RARB: variants seen among roughly 807,000 people sequenced by gnomAD.
The protein encoded by RARB is HBV-activated protein.
In RARB, 17 loss-of-function variants were observed where a neutral mutation model predicts 51.9. That is an observed-to-expected ratio of 0.33 (90% CI 0.22 to 0.49). RARB has a LOEUF of 0.49. Among genes scored for constraint, RARB ranks in the 20% least tolerant of loss-of-function variants. The pLI is 0.99. For synonymous variants in RARB, 215 were observed against 195.4 expected (o/e 1.10, Z -0.84); for missense variants, 369 against 550.8 (o/e 0.67, Z 3.30).
intron 2 of RARB, among the ~76,000 whole-genome samples, chr3:25,052,373 C>T (rs1251891078): frequency 1.3e-5 from 2 of 152,054 alleles, no homozygotes; most frequent in East Asian, 3.9e-4. Flanking sequence ...CAATTGCTAG[C>T]TTTAACAAAT....
intron 5 of RARB, among the ~76,000 whole-genome samples, chr3:25,188,127 T>C (rs201574146): frequency 6.6e-6 from 1 of 152,130 alleles, no homozygotes; most frequent in East Asian, 1.9e-4. Flanking sequence ...TGTATATGTT[T>C]TGGGGTATCC....
chr3:25,243,696 C>G (rs768096290), intron 5 of RARB, among the ~76,000 whole-genome samples: 1 of 152,060 alleles, frequency 6.6e-6, no homozygotes, highest in African/African-American at 2.4e-5. Context: ...TAATGTGCTT[C>G]TAGAATCGGT....
intron 5 of RARB, among the ~76,000 whole-genome samples, chr3:25,309,302 T>G (rs966919556): frequency 2.1e-5 from 3 of 139,538 alleles, no homozygotes; most frequent in African/African-American, 7.5e-5. Context: ...GCCTGGCTAA[T>G]TTTTTGTTTT....
chr3:25,202,662 A>G (rs1332664031), intron 5 of RARB, among the ~76,000 whole-genome samples: 1 of 152,196 alleles, frequency 6.6e-6, no homozygotes, highest in Non-Finnish European at 1.5e-5. Flanking sequence ...TTCAAAGAAC[A>G]TCTTTATTTC....
chr3:25,426,254 T>A (rs77284902), upstream of RARB, among the ~76,000 whole-genome samples: 2,277 of 152,338 alleles, frequency 0.015, 31 homozygotes, highest in African/African-American at 0.032. Flanking sequence ...AAAGGGTTTC[T>A]TACAATAAGT....
At chr3:25,122,009 A>C (rs1260583371) in intron 3 of RARB, among the ~76,000 whole-genome samples, 2 of 152,154 alleles carry the variant, frequency 1.3e-5, no homozygotes, top group African/African-American at 4.8e-5. Flanking sequence ...TCAATGTGAC[A>C]TTCTCTTATA....
At chr3:25,036,677 T>A (rs892971122) in intron 2 of RARB, among the ~76,000 whole-genome samples, 1 of 152,128 alleles carries the variant, frequency 6.6e-6, no homozygotes, top group African/African-American at 2.4e-5. Context: ...TACCTGAGTG[T>A]GGTGCCAACA....
intron 5 of RARB, among the ~76,000 whole-genome samples, chr3:25,182,751 C>T (rs1700886667): frequency 6.6e-6 from 1 of 152,106 alleles, no homozygotes; most frequent in Non-Finnish European, 1.5e-5. Flanking sequence ...ATTGTGTCCT[C>T]TAAAGAGATG....
intron 2 of RARB, among the ~76,000 whole-genome samples, chr3:24,964,339 A>G (rs1696209137): frequency 6.6e-6 from 1 of 152,188 alleles, no homozygotes; most frequent in African/African-American, 2.4e-5. Flanking sequence ...AACCCTCATT[A>G]AGAGAGAAAT....
At chr3:25,569,553 C>T (rs1375718958) in intron 3 of RARB, among the ~76,000 whole-genome samples, 1 of 152,230 alleles carries the variant, frequency 6.6e-6, no homozygotes, top group African/African-American at 2.4e-5. Flanking sequence ...CATGCATATA[C>T]AGAAAGACAA....
intron 2 of RARB, among the ~76,000 whole-genome samples, chr3:24,939,568 C>T (rs1355415390): frequency 1.3e-5 from 2 of 152,128 alleles, no homozygotes; most frequent in African/African-American, 2.4e-5. Context: ...ATATTCTAGT[C>T]AAAGAGAGTT....
At chr3:25,019,217 A>C (rs1036108149) in intron 2 of RARB, among the ~76,000 whole-genome samples, 1 of 152,180 alleles carries the variant, frequency 6.6e-6, no homozygotes, top group Non-Finnish European at 1.5e-5. Flanking sequence ...GTGGAATGTT[A>C]TTGTTATTTT....
chr3:25,049,890 A>C (rs1424469299), intron 2 of RARB, among the ~76,000 whole-genome samples: 1 of 152,198 alleles, frequency 6.6e-6, no homozygotes. Context: ...AGCAAAATAT[A>C]GTTCTCTCAT....
intron 5 of RARB, among the ~76,000 whole-genome samples, chr3:25,222,513 A>T (rs1048075323): frequency 4.7e-5 from 7 of 149,648 alleles, no homozygotes; most frequent in South Asian, 4.1e-4. Flanking sequence ...CAAATAGATT[A>T]AAAAAACTTA....
At chr3:25,000,054 G>A (rs1697127172) in intron 2 of RARB, among the ~76,000 whole-genome samples, 1 of 152,206 alleles carries the variant, frequency 6.6e-6, no homozygotes, top group African/African-American at 2.4e-5. Flanking sequence ...CAGTTCAGTG[G>A]CAACAGAGCT....
intron 5 of RARB, among the ~76,000 whole-genome samples, chr3:25,224,515 T>C (rs1702012266): frequency 6.6e-6 from 1 of 152,174 alleles, no homozygotes; most frequent in Non-Finnish European, 1.5e-5. Flanking sequence ...AAATGAAACC[T>C]TTGGCCTTTA....
chr3:25,197,883 A>C lies in RARB; in HGVS notation c.178+23308A>C, dbSNP rs369855137. Among the ~76,000 whole-genome samples the C allele has an allele frequency of 2.8e-4, 42 of 152,166 alleles. No homozygotes were observed. In the South Asian group the frequency reaches 6.8e-3, roughly 25 times the overall value. ...CGAAGCAATCTGCAGATTCAGAGCA[A>C]TCCCTAGCAAAATACCAATGACATT... On this transcript the variant is annotated intron_variant, in intron 5 of 11. Transcript: ENST00000383772.
chr3:25,328,690 G>A (rs1350410247), intron 5 of RARB, among the ~76,000 whole-genome samples: 1 of 152,166 alleles, frequency 6.6e-6, no homozygotes, highest in East Asian at 1.9e-4. Flanking sequence ...GACAGTGGGT[G>A]CAGCCCATGG....
At chr3:25,139,134 C>G (rs1390708807) in intron 4 of RARB, among the ~76,000 whole-genome samples, 1 of 152,098 alleles carries the variant, frequency 6.6e-6, no homozygotes, top group Non-Finnish European at 1.5e-5. Context: ...TCTTTTCCAA[C>G]TTCCATATTC....
Sources: allele counts gnomAD v4.1 joint callset (sites outside exome capture counted in the v4.1 genomes callset), GRCh38; gene constraint gnomAD v4.1.1; transcripts MANE v1.5; gene names NCBI Gene and HGNC (gene_info 2026-07-23, HGNC 2026-07-21).